Variants in TNNI3K observed in about 807,000 individuals in gnomAD.
The protein encoded by TNNI3K is serine/threonine-protein kinase TNNI3K.
In TNNI3K, 140 loss-of-function variants were observed where a neutral mutation model predicts 114.5. That is an observed-to-expected ratio of 1.22 (90% CI 1.07 to 1.41). The LOEUF (loss-of-function observed/expected upper bound fraction) is 1.41. Ranked by LOEUF, TNNI3K falls within the 40% of genes most tolerant of loss-of-function variation. TNNI3K has a pLI of 0.00. For synonymous variants in TNNI3K, 347 were observed against 347.5 expected, an observed-to-expected ratio of 1.00 and a Z score of 0.02; for missense variants, 1,125 against 1,007.6, an observed-to-expected ratio of 1.12 and a Z score of -1.58.
chr1:74,347,576 G>A (rs960745475), intron 9 of TNNI3K, among the ~76,000 whole-genome samples: 36 of 152,200 alleles, frequency 2.4e-4, no homozygotes, highest in African/African-American at 7.5e-4. Flanking sequence ...GAATTACCAC[G>A]CCGACTTCCA....
chr1:74,516,696 G>A (rs1487603337), intron 23 of TNNI3K, among the ~76,000 whole-genome samples: 2 of 152,136 alleles, frequency 1.3e-5, no homozygotes, highest in African/African-American at 2.4e-5. Flanking sequence ...CCACAGCTTG[G>A]TTGAGGATGG....
chr1:74,355,720 A>AT (rs1460129393), intron 11 of TNNI3K, among the ~76,000 whole-genome samples: 1 of 152,210 alleles, frequency 6.6e-6, no homozygotes, highest in Non-Finnish European at 1.5e-5. Context: ...TGTTGTAAGC[A>AT]TGCAGTAAGC....
chr1:74,293,498 T>A (rs889387452), intron 5 of TNNI3K, among the ~76,000 whole-genome samples: 1 of 151,738 alleles, frequency 6.6e-6, no homozygotes, highest in African/African-American at 2.4e-5. Flanking sequence ...TTGATAGAAC[T>A]ATTTTTTAAA....
intron 20 of TNNI3K, among the ~76,000 whole-genome samples, chr1:74,450,160 G>T (rs1436153927): frequency 2.0e-5 from 3 of 148,348 alleles, no homozygotes; most frequent in Admixed American, 6.8e-5. Context: ...TGACTACTGG[G>T]TACATAACGA....
intron 23 of TNNI3K, among the ~76,000 whole-genome samples, chr1:74,499,910 T>G (rs1184918526): frequency 6.6e-6 from 1 of 152,150 alleles, no homozygotes; most frequent in Admixed American, 6.5e-5. Context: ...GCTGAAATCG[T>G]TTGGACTAAT....
At chr1:74,447,200 A>G (rs1432492141) in intron 20 of TNNI3K, among the ~76,000 whole-genome samples, 1 of 150,410 alleles carries the variant, frequency 6.6e-6, no homozygotes, top group Non-Finnish European at 1.5e-5. Flanking sequence ...ATTTGTTTGT[A>G]TCCTCTTTTA....
At chr1:74,390,676 A>G (rs6424589) in intron 17 of TNNI3K, among the ~76,000 whole-genome samples, 91,242 of 151,982 alleles carry the variant, frequency 0.6, 30,825 homozygotes, top group East Asian at 0.82. Context: ...TGGGTAGGAG[A>G]GGTAGGGCAG....
intron 4 of TNNI3K, among the ~76,000 whole-genome samples, chr1:74,262,437 A>T (rs900885697): frequency 6.6e-6 from 1 of 152,086 alleles, no homozygotes; most frequent in Non-Finnish European, 1.5e-5. Flanking sequence ...TGGATTTTTT[A>T]AATCTTAATT....
At chr1:74,270,904 G>T (rs969483922) in intron 4 of TNNI3K, among the ~76,000 whole-genome samples, 17 of 151,506 alleles carry the variant, frequency 1.1e-4, no homozygotes, top group Admixed American at 9.9e-4. Flanking sequence ...ATTATTTCAT[G>T]TATCTCCAAA....
chr1:74,504,729 C>G (rs2100354595), intron 23 of TNNI3K, among the ~76,000 whole-genome samples: 1 of 152,086 alleles, frequency 6.6e-6, no homozygotes, highest in East Asian at 1.9e-4. Flanking sequence ...TACAACATAT[C>G]CACCTGAGAG....
chr1:74,499,766 C>T (rs945927337), intron 23 of TNNI3K, among the ~76,000 whole-genome samples: 6 of 151,996 alleles, frequency 3.9e-5, no homozygotes, highest in South Asian at 2.1e-4. Flanking sequence ...ATATTGAGTT[C>T]CCCTTACCAT....
chr1:74,367,713 T>C (rs1570530855), intron 12 of TNNI3K, among the ~76,000 whole-genome samples, 195 bp from the exon 13 acceptor site: 3 of 152,122 alleles, frequency 2.0e-5, no homozygotes, highest in Non-Finnish European at 2.9e-5. Context: ...TGCTACAACT[T>C]GGATTTTCTA....
intron 17 of TNNI3K, among the ~76,000 whole-genome samples, chr1:74,393,374 G>A (rs781382470): frequency 1.3e-5 from 2 of 152,024 alleles, no homozygotes; most frequent in African/African-American, 4.8e-5. Context: ...TAAAAAAAAG[G>A]AGAAAGAAAA....
chr1:74,260,518 A>T (rs557678213), intron 4 of TNNI3K, among the ~76,000 whole-genome samples: 1 of 152,304 alleles, frequency 6.6e-6, no homozygotes, highest in South Asian at 2.1e-4. Context: ...AATGAAGCAG[A>T]TAGAATTATC....
intron 4 of TNNI3K, among the ~76,000 whole-genome samples, chr1:74,268,890 A>T (rs915957339): frequency 2.0e-5 from 3 of 151,834 alleles, no homozygotes; most frequent in Non-Finnish European, 2.9e-5. Context: ...TACTTATTGC[A>T]CTTGGAAAAA....
Position 74,370,395 on chromosome 1 carries a change from AT to A in TNNI3K, c.1772+10del. The A allele has an allele frequency of 1.9e-6, 3 of 1,601,888 alleles. No individual in the cohort carries two copies. Among genetic ancestry groups the A allele is most frequent in the Non-Finnish European group, 2.6e-6 (3 of 1,173,034 alleles). The stretch of plus-strand genomic sequence containing the variant: ...ATTATACATCGTGACTTGAACAGGT[AT>A]TTTTTTCCTAAATAATGAACTCAGA... On this transcript the variant is annotated splice_donor_region_variant and intron_variant, in intron 17 of 24. Coordinates refer to ENST00000326637, the MANE Select transcript of TNNI3K (RefSeq NM_015978.3).
At chr1:74,538,033 A>G (rs1646680727) in intron 23 of TNNI3K, among the ~76,000 whole-genome samples, 1 of 152,110 alleles carries the variant, frequency 6.6e-6, no homozygotes, top group Non-Finnish European at 1.5e-5. Context: ...TCAGGATTCA[A>G]ATTCAAGGAG....
intron 17 of TNNI3K, among the ~76,000 whole-genome samples, chr1:74,429,479 T>C (rs1284288871): frequency 2.6e-5 from 4 of 152,078 alleles, no homozygotes; most frequent in African/African-American, 7.2e-5. Flanking sequence ...TGTTCAGGTA[T>C]CCCATTGAGT....
chr1:74,366,534 A>G, intron 11 of TNNI3K: 1 of 152,160 alleles, frequency 6.6e-6, no homozygotes, highest in Non-Finnish European at 1.5e-5. Flanking sequence ...TCAGAGCTTC[A>G]GAGCCTTCTG....
Sources: gnomAD v4.1 joint callset for allele counts (sites outside exome capture counted in the v4.1 genomes callset) on GRCh38, gnomAD v4.1.1 for gene constraint, MANE v1.5 for transcripts, NCBI Gene and HGNC (gene_info 2026-07-23, HGNC 2026-07-21) for gene names.